Variants in LRRC4C observed in about 807,000 individuals in gnomAD.
LRRC4C encodes the protein leucine-rich repeat-containing protein 4C.
In LRRC4C, 5 loss-of-function variants were observed where a neutral mutation model predicts 33.6. That is an observed-to-expected ratio of 0.15 (90% CI 0.08 to 0.31). LRRC4C has a LOEUF of 0.31. Among genes scored for constraint, LRRC4C ranks in the 10% least tolerant of loss-of-function variants. The pLI is 1.00. For synonymous variants in LRRC4C, 329 were observed against 302.0 expected, an observed-to-expected ratio of 1.09 and a Z score of -0.93; for missense variants, 560 against 796.7, an observed-to-expected ratio of 0.70 and a Z score of 3.58.
At chr11:41,004,189 C>T (rs1380286688) in intron 1 of LRRC4C, among the ~76,000 whole-genome samples, 1 of 152,050 alleles carries the variant, frequency 6.6e-6, no homozygotes, top group East Asian at 1.9e-4. Context: ...GCAATGTCCT[C>T]TTTTCAATGT....
intron 5 of LRRC4C, among the ~76,000 whole-genome samples, chr11:40,170,240 A>T (rs189404042): frequency 1.3e-5 from 2 of 152,324 alleles, no homozygotes; most frequent in Admixed American, 1.3e-4. Context: ...TTACCTAATG[A>T]CTCATCACCC....
intron 6 of LRRC4C, among the ~76,000 whole-genome samples, chr11:40,121,532 C>T (rs1254832594): frequency 6.6e-6 from 1 of 152,178 alleles, no homozygotes; most frequent in Admixed American, 6.5e-5. Context: ...TAAAAGTATG[C>T]ACTACCCATT....
At chr11:41,383,381 T>C (rs1953231853) in intron 1 of LRRC4C, among the ~76,000 whole-genome samples, 1 of 152,104 alleles carries the variant, frequency 6.6e-6, no homozygotes, top group Non-Finnish European at 1.5e-5. Context: ...GAAGCGGTAC[T>C]ATTTTGGCCT....
intron 4 of LRRC4C, among the ~76,000 whole-genome samples, chr11:40,305,219 GCAACTCAATTGGCTACCC>G (rs1274670331): frequency 6.6e-6 from 1 of 152,218 alleles, no homozygotes; most frequent in Admixed American, 6.5e-5. Flanking sequence ...TCCCTCTCAA[GCAACTCAATTGGCTACCC>G]CATGTCTATT....
In LRRC4C at chr11:41,165,049, C is replaced by T. The variant is rs149574653; in HGVS notation, c.-495-231326G>A. 1.3e-3 allele frequency among the ~76,000 whole-genome samples: 193 copies of T among 152,288 alleles called. 1 individual carries two copies. Among genetic ancestry groups the T allele is most frequent in the African/African-American group, 4.6e-3 (190 of 41,558 alleles). ...AACCATCACAGCTGTAAATCATGTG[C>T]TTAGTGCAACGTGACGTTTTGACCT... On this transcript the variant is annotated intron_variant, in intron 1 of 6. Transcript: ENST00000528697.
At chr11:41,410,555 C>T (rs1331962440) in intron 1 of LRRC4C, among the ~76,000 whole-genome samples, 5 of 151,986 alleles carry the variant, frequency 3.3e-5, no homozygotes, top group African/African-American at 1.2e-4. Flanking sequence ...ATTCTCCTGC[C>T]TCAGCCTCCC....
At chr11:41,123,761 A>C (rs1473858064) in intron 1 of LRRC4C, among the ~76,000 whole-genome samples, 2 of 152,132 alleles carry the variant, frequency 1.3e-5, no homozygotes, top group African/African-American at 2.4e-5. Context: ...TCTTTAAAAC[A>C]TTGTGCCTAT....
chr11:41,369,861 T>G (rs1439354937), intron 1 of LRRC4C, among the ~76,000 whole-genome samples: 4 of 152,188 alleles, frequency 2.6e-5, no homozygotes, highest in African/African-American at 9.6e-5. Flanking sequence ...AGGATGGATT[T>G]GCATGATGAC....
chr11:41,115,222 C>T (rs909445379), intron 1 of LRRC4C, among the ~76,000 whole-genome samples: 6 of 151,962 alleles, frequency 3.9e-5, no homozygotes, highest in Admixed American at 6.6e-5. Context: ...AAAAGCAGGA[C>T]CTTCTTTTGA....
At chr11:40,425,187 A>G (rs1565374657) in intron 3 of LRRC4C, among the ~76,000 whole-genome samples, 1 of 151,996 alleles carries the variant, frequency 6.6e-6, no homozygotes, top group Non-Finnish European at 1.5e-5. Flanking sequence ...TCATATCAGG[A>G]TTTAAGACCC....
intron 2 of LRRC4C, among the ~76,000 whole-genome samples, chr11:40,738,568 A>G (rs1246499348): frequency 1.3e-5 from 2 of 152,150 alleles, no homozygotes; most frequent in African/African-American, 4.8e-5. Flanking sequence ...AATATATACA[A>G]TTATATAAAA....
At chr11:40,627,074 G>GTTTTTTT (rs33969300) in intron 3 of LRRC4C, among the ~76,000 whole-genome samples, 6 of 112,442 alleles carry the variant, frequency 5.3e-5, no homozygotes, top group Non-Finnish European at 1.1e-4. Context: ...CAGCTATACT[G>GTTTTTTT]TTTTTTTTTT....
chr11:40,806,972 G>A (rs1019537705), intron 2 of LRRC4C, among the ~76,000 whole-genome samples: 1 of 151,844 alleles, frequency 6.6e-6, no homozygotes, highest in Non-Finnish European at 1.5e-5. Flanking sequence ...AAAAAAAACT[G>A]CTCTACTTTT....
intron 1 of LRRC4C, among the ~76,000 whole-genome samples, chr11:40,968,609 C>T (rs1198373118): frequency 6.6e-6 from 1 of 152,062 alleles, no homozygotes; most frequent in Non-Finnish European, 1.5e-5. Context: ...TGCTCATTTA[C>T]AACTCTGAAA....
intron 1 of LRRC4C, among the ~76,000 whole-genome samples, chr11:41,235,943 T>C (rs148834161): frequency 2.0e-5 from 3 of 152,250 alleles, no homozygotes; most frequent in East Asian, 3.9e-4. Context: ...GCTTTCCTAA[T>C]AGAATCTAGA....
At chr11:40,618,414 T>C (rs1174659978) in intron 3 of LRRC4C, among the ~76,000 whole-genome samples, 1 of 151,528 alleles carries the variant, frequency 6.6e-6, no homozygotes, top group Non-Finnish European at 1.5e-5. Flanking sequence ...AATGAACCAA[T>C]GGCACTGACA....
At chr11:40,801,747 C>A (rs1209284864) in intron 2 of LRRC4C, among the ~76,000 whole-genome samples, 1 of 151,916 alleles carries the variant, frequency 6.6e-6, no homozygotes, top group Non-Finnish European at 1.5e-5. Flanking sequence ...CAGTTGAGTA[C>A]CAGAAATTTT....
intron 3 of LRRC4C, among the ~76,000 whole-genome samples, chr11:40,619,686 T>C (rs541030768): frequency 6.6e-5 from 10 of 151,844 alleles, no homozygotes; most frequent in South Asian, 2.1e-4. Flanking sequence ...TACGACCTAT[T>C]GTCCAAGTTA....
intron 2 of LRRC4C, among the ~76,000 whole-genome samples, chr11:40,741,565 T>A (rs1314470956): frequency 6.6e-6 from 1 of 152,034 alleles, no homozygotes; most frequent in Non-Finnish European, 1.5e-5. Context: ...TCCCTAACTT[T>A]TCCATTTATG....
Sources: gnomAD v4.1 joint callset for allele counts (sites outside exome capture counted in the v4.1 genomes callset) on GRCh38, gnomAD v4.1.1 for gene constraint, MANE v1.5 for transcripts, NCBI Gene and HGNC (gene_info 2026-07-23, HGNC 2026-07-21) for gene names.